Variants in CPAMD8 observed in about 807,000 individuals in gnomAD.
CPAMD8 encodes C3 and PZP like alpha-2-macroglobulin domain containing 8, also known as C3 and PZP-like alpha-2-macroglobulin domain-containing protein 8.
A neutral mutation model predicts 224.7 loss-of-function variants in CPAMD8; 146 were observed. The observed-to-expected ratio is 0.65, with a 90% CI of 0.57 to 0.75. CPAMD8 has a LOEUF of 0.75. Among genes scored for constraint, CPAMD8 ranks in the 30% least tolerant of loss-of-function variants. The probability of loss-of-function intolerance (pLI) is 0.00; values close to 1 mark genes in which losing one functional copy is unlikely to be tolerated. For synonymous variants in CPAMD8, 966 were observed against 1,044.6 expected (o/e 0.92, Z 1.45); for missense variants, 2,301 against 2,537.5 (o/e 0.91, Z 2.00).
chr19:16,921,961 C>T lies in CPAMD8; in HGVS notation c.3573G>A (p.Lys1191=), dbSNP rs1338701862. 11 of 1,548,132 alleles carry T rather than the reference C, an allele frequency of 7.1e-6. No individual in the cohort carries two copies. The highest frequency in any genetic ancestry group is 8.7e-6 in the Non-Finnish European group (10 of 1,146,764). Residue 1191 remains lysine, a synonymous_variant, in exon 27 of 42, where the codon AAG becomes AAA. Transcript: ENST00000443236. The part of the protein sequence containing the change: ...VQGYQRQLTY[K]RQDGSYSAFG... ...ACGCGCTGTAGGAGCCATCCTGGCG[C>T]TTGTAGGTCAGCTGGCGCTGGTAGC...
At chr19:16,907,213 G>A (rs1396875926) in intron 29 of CPAMD8, 96 bp from the exon 30 acceptor site, 6 of 1,411,374 alleles carry the variant, frequency 4.3e-6, no homozygotes, top group Non-Finnish European at 5.5e-6. Context: ...GAGAGCTCTG[G>A]GTGACTCCTA....
intron 12 of CPAMD8, among the ~76,000 whole-genome samples, chr19:16,992,545 G>A (rs564048838): frequency 9.2e-5 from 14 of 152,172 alleles, no homozygotes; most frequent in South Asian, 2.1e-4. Flanking sequence ...TCCACCTCCC[G>A]GGTTCAAGCA....
intron 19 of CPAMD8, among the ~76,000 whole-genome samples, chr19:16,953,440 C>T (rs192253305): frequency 1.3e-5 from 2 of 152,154 alleles, no homozygotes; most frequent in Admixed American, 6.5e-5. Context: ...TAGCTTACTC[C>T]TGTAATCCCA....
rs144617356 is a variant in CPAMD8, at chr19:16,983,465, G to A, written c.1396-2779C>T. ...ATTTTTCTTTATAAATTACCCAGTC[G>A]TGGGTATGTCTTTATCAGCAGCATG... On this transcript the variant is annotated intron_variant, in intron 13 of 41. Coordinates refer to ENST00000443236, the MANE Select transcript of CPAMD8 (RefSeq NM_015692.5). 6.8e-3 allele frequency among the ~76,000 whole-genome samples: 1,032 copies of A among 152,160 alleles called. 6 individuals carry two copies. Among genetic ancestry groups the A allele is most frequent in the African/African-American group, 0.024 (978 of 41,506 alleles).
Position 16,897,607 on chromosome 19 carries a change from A to G in CPAMD8, c.5065+84T>C. ...TTGGCCCCTCCTCTGCCAAGCCCCC[A>G]GGGGAGCCCTCCCTGGCGTCCGAGG... On this transcript the variant is annotated intron_variant, in intron 39 of 41. Transcript: ENST00000443236. The G allele has an allele frequency of 9.3e-6, 7 of 750,978 alleles. No homozygotes were observed. In the South Asian group the frequency reaches 1.3e-4, roughly 14 times the overall value. 46.5% of individuals were successfully genotyped at this position (750,978 alleles called of 1,614,324 possible).
At chr19:16,985,579 A>C (rs1017153008) in intron 13 of CPAMD8, among the ~76,000 whole-genome samples, 1 of 143,370 alleles carries the variant, frequency 7.0e-6, no homozygotes, top group Non-Finnish European at 1.5e-5. Flanking sequence ...GAAGGAAGAA[A>C]GGAGGGAGGG....
At chr19:16,939,201 ATG>A (rs1282164293) in intron 22 of CPAMD8, among the ~76,000 whole-genome samples, 19 of 81,420 alleles carry the variant, frequency 2.3e-4, no homozygotes, top group African/African-American at 6.9e-4. Context: ...CTATCTATCT[ATG>A]TATCTATCTA....
chr19:16,894,638 C>T (rs1392270727), intron 41 of CPAMD8: 2 of 368,156 alleles, frequency 5.4e-6, no homozygotes, highest in Non-Finnish European at 1.1e-5. Flanking sequence ...TTCCAGTGGA[C>T]CACAGTGATG....
Position 16,893,172 on chromosome 19 carries a change from C to CTGTAG in CPAMD8, c.5589_5593dup (p.Ser1865ThrfsTer22), listed in dbSNP as rs768621170. On this transcript the variant is annotated frameshift_variant, in exon 42 of 42. Transcript: ENST00000443236. LOFTEE classifies it low-confidence loss of function (END_TRUNC). ...CTCCCCACCACTCTGAAAGGCTGGG[C>CTGTAG]TGTAGACGAAGACAGGGCTCAGAAG... The CTGTAG allele has an allele frequency of 1.3e-6, 2 of 1,595,690 alleles. No homozygotes were observed. Among genetic ancestry groups the CTGTAG allele is most frequent in the East Asian group, 4.5e-5 (2 of 44,670 alleles).
At chr19:16,965,571 A>G (rs1016686922) in intron 18 of CPAMD8, among the ~76,000 whole-genome samples, 3 of 152,212 alleles carry the variant, frequency 2.0e-5, no homozygotes, top group Non-Finnish European at 4.4e-5. Flanking sequence ...TGCAGATGAC[A>G]TGATTGTATA....
chr19:17,009,781 A>G (rs1161184920), intron 5 of CPAMD8, among the ~76,000 whole-genome samples: 1 of 152,068 alleles, frequency 6.6e-6, no homozygotes, highest in Admixed American at 6.6e-5. Flanking sequence ...CTCAAAAAAA[A>G]AAAAAAGAAA....
In CPAMD8 at chr19:16,902,713, C is replaced by T. The variant is rs778890173; in HGVS notation, c.4621G>A (p.Asp1541Asn). The T allele has an allele frequency of 9.3e-6, 15 of 1,605,576 alleles. No individual in the cohort carries two copies. Among genetic ancestry groups the T allele is most frequent in the Admixed American group, 1.7e-5 (1 of 59,434 alleles). The change falls in exon 35 of 42, where the codon GAT becomes AAT. Residue 1541 changes from aspartate to asparagine, a missense_variant. By Grantham distance (23) the Asp-to-Asn change is conservative. Around this residue, in one of 4 missense-constraint regions of CPAMD8, gnomAD observed 1,709 missense variants for 1,753.2 expected, o/e 0.97. Coordinates refer to ENST00000443236, the MANE Select transcript of CPAMD8 (RefSeq NM_015692.5). ...TGCTGATCGGCCGCTGGGTCATCATCGTCAGCTGGGGGCCAGTCTCCTCGG... is the reference window on the plus strand; with the variant it reads ...TGCTGATCGGCCGCTGGGTCATCATTGTCAGCTGGGGGCCAGTCTCCTCGG... ...GSRGDWPPADDDDPAADQHHQ... is the reference protein window; with the variant it reads ...GSRGDWPPADNDDPAADQHHQ...
chr19:16,893,580 A>G (rs2051843347), intron 41 of CPAMD8: 4 of 442,472 alleles, frequency 9.0e-6, no homozygotes, highest in Non-Finnish European at 1.6e-5. Flanking sequence ...AAATGCAGAC[A>G]TAAGCAGGTG....
At chr19:16,931,104 G>A (rs1013679804) in intron 23 of CPAMD8, among the ~76,000 whole-genome samples, 1 of 152,184 alleles carries the variant, frequency 6.6e-6, no homozygotes, top group African/African-American at 2.4e-5. Context: ...CACTGCATAT[G>A]GCTGCTGTCA....
chr19:17,025,399 T>G (rs779381715), intron 1 of CPAMD8, among the ~76,000 whole-genome samples: 4 of 151,420 alleles, frequency 2.6e-5, no homozygotes, highest in Non-Finnish European at 4.4e-5. Context: ...GCAACAAGAG[T>G]AAAACTCCAT....
At chr19:16,983,019 T>A (rs1195362272) in intron 13 of CPAMD8, among the ~76,000 whole-genome samples, 2 of 152,122 alleles carry the variant, frequency 1.3e-5, no homozygotes, top group African/African-American at 2.4e-5. Flanking sequence ...GTTCCCATTC[T>A]CTCTTGTCTG....
intron 17 of CPAMD8, among the ~76,000 whole-genome samples, chr19:16,974,254 C>T (rs931938708): frequency 3.9e-5 from 6 of 152,060 alleles, no homozygotes; most frequent in Admixed American, 3.9e-4. Context: ...GCCTCAGCCT[C>T]CCGAGTAGCT....
intron 17 of CPAMD8, among the ~76,000 whole-genome samples, chr19:16,971,789 G>A (rs1209315654): frequency 1.3e-5 from 2 of 152,188 alleles, no homozygotes; most frequent in Non-Finnish European, 2.9e-5. Flanking sequence ...GCACATGCCT[G>A]TAATCCCAGC....
intron 25 of CPAMD8, among the ~76,000 whole-genome samples, chr19:16,926,812 C>T (rs1298573770): frequency 2.0e-5 from 3 of 152,174 alleles, no homozygotes; most frequent in Non-Finnish European, 2.9e-5. Flanking sequence ...TCTGCTTCTT[C>T]TCCTATCTCA....
Sources: gnomAD v4.1 joint callset for allele counts (sites outside exome capture counted in the v4.1 genomes callset) on GRCh38, gnomAD v4.1.1 for gene constraint, gnomAD v4.1.1 regional missense constraint, MANE v1.5 for transcripts, NCBI Gene and HGNC (gene_info 2026-07-23, HGNC 2026-07-21) for gene names.